The following ASB3 variants were observed in gnomAD, a reference collection of about 807,000 sequenced individuals.
ASB3 encodes ankyrin repeat and SOCS box protein 3.
In ASB3, 41 loss-of-function variants were observed where a neutral mutation model predicts 54.5. That is an observed-to-expected ratio of 0.75 (90% CI 0.59 to 0.98). ASB3 has a LOEUF of 0.98. ASB3 is among the 50% of genes least tolerant of loss of function. ASB3 has a pLI of 0.00. For missense variants in ASB3, 733 were observed against 620.0 expected, an observed-to-expected ratio of 1.18 and a Z score of -1.94; for synonymous variants, 266 against 221.2, an observed-to-expected ratio of 1.20 and a Z score of -1.80.
At chr2:53,674,648 C>T (rs1174687841) in intron 9 of ASB3, among the ~76,000 whole-genome samples, 1 of 152,174 alleles carries the variant, frequency 6.6e-6, no homozygotes, top group Non-Finnish European at 1.5e-5. Flanking sequence ...GCCTGAACTA[C>T]ATTTCTCTGG....
At chr2:53,751,027 T>G (rs1011933052) in intron 2 of ASB3, 86 bp from the exon 3 acceptor site, 1 of 1,374,486 alleles carries the variant, frequency 7.3e-7, no homozygotes, top group African/African-American at 1.5e-5. Flanking sequence ...AGGAATTTAA[T>G]GAACTATTAA....
rs565423658 is a variant in ASB3 at position 53,670,130 on chromosome 2, G to A, written c.*373C>T. The A allele has an allele frequency of 4.0e-5, 7 of 173,926 alleles. No homozygotes were observed. Among genetic ancestry groups the A allele is most frequent in the South Asian group, 3.0e-4 (2 of 6,768 alleles). 10.8% of individuals were successfully genotyped at this position (173,926 alleles called of 1,614,324 possible). ...TGAGCTCCTAATACCAGGTAAACAC[G>A]AATCATAGGTGGAAATATGCCATGT... On this transcript the variant is annotated 3_prime_UTR_variant, in exon 10 of 10. Coordinates refer to ENST00000263634, the MANE Select transcript of ASB3 (RefSeq NM_016115.5).
intron 1 of ASB3, among the ~76,000 whole-genome samples, chr2:53,772,279 A>T (rs956178531): frequency 4.6e-5 from 7 of 152,040 alleles, no homozygotes; most frequent in Non-Finnish European, 1.0e-4. Context: ...GGTTCACGCC[A>T]TTCTCCTGCC....
chr2:53,741,477 T>C (rs1161279511), intron 3 of ASB3, among the ~76,000 whole-genome samples: 3 of 152,226 alleles, frequency 2.0e-5, no homozygotes, highest in African/African-American at 7.2e-5. Context: ...GAGACAGGAC[T>C]TCCTTGATGA....
intron 2 of ASB3, among the ~76,000 whole-genome samples, chr2:53,753,777 T>C (rs542834281): frequency 4.1e-4 from 63 of 151,856 alleles, no homozygotes; most frequent in Non-Finnish European, 8.2e-4. Flanking sequence ...GCTGGGATTA[T>C]AGGCGCACCA....
intron 9 of ASB3, among the ~76,000 whole-genome samples, chr2:53,684,876 TGAG>T (rs1287720863): frequency 1.3e-5 from 2 of 152,126 alleles, no homozygotes; most frequent in Non-Finnish European, 2.9e-5. Context: ...AACATAACGC[TGAG>T]GAGGAGATTA....
rs1672479100 is a variant in ASB3 at position 53,750,941 on chromosome 2, T to C, written c.197A>G (p.Asp66Gly). 6.5e-6 allele frequency: 10 copies of C among 1,540,348 alleles called. No individual in the cohort carries two copies. In the East Asian group the frequency reaches 2.3e-4, roughly 36 times the overall value. The change falls in exon 3 of 10, where the codon GAT becomes GGT. Residue 66 changes from aspartate (D) to glycine (G), a missense_variant and splice_region_variant. Asp to Gly is a moderately conservative substitution (Grantham distance 94). Transcript: ENST00000263634. ...CATCTTAATGTAGTTTTCAGATGAATCTGTGGAAGAATCAAAGCCCATCAA... is the reference window on the plus strand; with the variant it reads ...CATCTTAATGTAGTTTTCAGATGAACCTGTGGAAGAATCAAAGCCCATCAA... ...VECLQMLINA[D>G]SSENYIKMKT...
chr2:53,765,452 T>C lies in ASB3; in HGVS notation c.121A>G (p.Asn41Asp). ...TCATGAATTGGCATCCATCCCCTGT[T>C]ATCAGCAACATCGACACTTCGGCCC... The part of the protein sequence containing the change: ...KKGRSVDVAD[N>D]RGWMPIHEAA... Residue 41 changes from asparagine to aspartate, a missense_variant, in exon 2 of 10, where the codon AAC becomes GAC. Asn to Asp is a conservative substitution (Grantham distance 23). Transcript: ENST00000263634. 1 of 1,614,244 alleles carries C rather than the reference T, an allele frequency of 6.2e-7. No individual in the cohort carries two copies. The highest frequency in any genetic ancestry group is 8.5e-7 in the Non-Finnish European group (1 of 1,180,032).
At chr2:53,680,835 T>C (rs1411033084) in intron 9 of ASB3, among the ~76,000 whole-genome samples, 1 of 152,158 alleles carries the variant, frequency 6.6e-6, no homozygotes. Flanking sequence ...AACTATATTT[T>C]TGTATCCATT....
chr2:53,679,607 G>A (rs928733435), intron 9 of ASB3, among the ~76,000 whole-genome samples: 14 of 152,048 alleles, frequency 9.2e-5, no homozygotes, highest in African/African-American at 2.4e-4. Context: ...TATAAACTGA[G>A]ACCCTCTTGA....
chr2:53,711,728 C>T (rs536826985), intron 7 of ASB3, among the ~76,000 whole-genome samples: 3 of 151,770 alleles, frequency 2.0e-5, no homozygotes, highest in Non-Finnish European at 2.9e-5. Context: ...AAGCCCAGAT[C>T]GCGCCACTGT....
intron 2 of ASB3, among the ~76,000 whole-genome samples, chr2:53,763,132 A>G (rs1162315888): frequency 1.3e-5 from 2 of 152,208 alleles, no homozygotes; most frequent in African/African-American, 4.8e-5. Context: ...CTGTAATCCC[A>G]GCACTTTGGG....
intron 1 of ASB3, chr2:53,768,196 C>T (rs1673629066): frequency 2.8e-6 from 2 of 720,074 alleles, no homozygotes; most frequent in Non-Finnish European, 4.4e-6. Context: ...ATCTCTAACC[C>T]AGCCCGGGCA....
At chr2:53,723,491 C>T (rs1250676715) in intron 5 of ASB3, among the ~76,000 whole-genome samples, 2 of 152,126 alleles carry the variant, frequency 1.3e-5, no homozygotes, top group Non-Finnish European at 2.9e-5. Context: ...CCTTCCCATC[C>T]TTTCCCTGAG....
At chr2:53,768,324 G>A in intron 1 of ASB3, 1 of 281,764 alleles carries the variant, frequency 3.5e-6, no homozygotes, top group Non-Finnish European at 6.6e-6. Flanking sequence ...CCATCTCTCT[G>A]CAACCTCTGC....
intron 7 of ASB3, among the ~76,000 whole-genome samples, chr2:53,714,009 T>C (rs1442525268): frequency 6.6e-6 from 1 of 152,210 alleles, no homozygotes; most frequent in Non-Finnish European, 1.5e-5. Context: ...TTATATCTTA[T>C]AAATTTGAAA....
intron 1 of ASB3, among the ~76,000 whole-genome samples, chr2:53,775,347 G>A (rs558972413): frequency 3.9e-5 from 6 of 152,006 alleles, no homozygotes; most frequent in Non-Finnish European, 8.8e-5. Flanking sequence ...ATTTGTGTGT[G>A]TGTGTGTGTA....
At chr2:53,704,745 T>C (rs1040986642) in intron 7 of ASB3, among the ~76,000 whole-genome samples, 2 of 152,202 alleles carry the variant, frequency 1.3e-5, no homozygotes, top group South Asian at 2.1e-4. Flanking sequence ...ATGTGGTATT[T>C]AGTTTTCTTG....
chr2:53,698,344 G>T (rs1411521069), intron 8 of ASB3, among the ~76,000 whole-genome samples: 1 of 152,018 alleles, frequency 6.6e-6, no homozygotes, highest in Non-Finnish European at 1.5e-5. Flanking sequence ...CTCAGCAAAG[G>T]GTTGCTAGTC....
Sources: gnomAD v4.1 joint callset for allele counts (sites outside exome capture counted in the v4.1 genomes callset) on GRCh38, gnomAD v4.1.1 for gene constraint, MANE v1.5 for transcripts, NCBI Gene and HGNC (gene_info 2026-07-23, HGNC 2026-07-21) for gene names.